Variants in PRUNE2 observed in about 807,000 individuals in gnomAD.
PRUNE2 encodes the protein prune homolog 2 with BCH domain, also known as protein prune homolog 2.
In PRUNE2, 164 loss-of-function variants were observed where a neutral mutation model predicts 252.0. That is an observed-to-expected ratio of 0.65 (90% CI 0.57 to 0.74). The LOEUF (loss-of-function observed/expected upper bound fraction) is 0.74. Ranked by LOEUF, PRUNE2 falls within the 30% of genes least tolerant of loss-of-function variation. The pLI, the probability that PRUNE2 is intolerant of heterozygous loss-of-function variation, is 0.00. For synonymous variants in PRUNE2, 1,292 were observed against 1,350.2 expected, an observed-to-expected ratio of 0.96 and a Z score of 0.94; for missense variants, 3,495 against 3,711.0, an observed-to-expected ratio of 0.94 and a Z score of 1.51.
In PRUNE2 at chr9:76,790,671, C is replaced by T. The variant is rs187621417; in HGVS notation, c.756+32961G>A. Among the ~76,000 whole-genome samples the T allele has an allele frequency of 4.0e-3, 613 of 152,328 alleles. 6 individuals carry two copies. Among genetic ancestry groups the T allele is most frequent in the African/African-American group, 0.014 (596 of 41,580 alleles). ...AAAAATAAGAAGGAGAAAGGTTGTG[C>T]TTTCTCATATTCACTGGATGTGGAT... is the stretch of plus-strand genomic sequence containing the variant. On this transcript the variant is annotated intron_variant, in intron 6 of 18. Coordinates refer to ENST00000376718, the MANE Select transcript of PRUNE2 (RefSeq NM_015225.3).
At chr9:76,857,849 G>A (rs1361426367) in intron 1 of PRUNE2, among the ~76,000 whole-genome samples, 1 of 152,110 alleles carries the variant, frequency 6.6e-6, no homozygotes, top group Non-Finnish European at 1.5e-5. Context: ...CACGGTTCTG[G>A]TGCACCCTGA....
intron 9 of PRUNE2, among the ~76,000 whole-genome samples, chr9:76,685,379 T>C (rs2134312914): frequency 6.6e-6 from 1 of 152,294 alleles, no homozygotes; most frequent in Non-Finnish European, 1.5e-5. Flanking sequence ...CCATCAGGAA[T>C]TCCTGGCACA....
intron 12 of PRUNE2, among the ~76,000 whole-genome samples, chr9:76,641,329 AAAAG>A (rs1842495406): frequency 6.6e-6 from 1 of 152,194 alleles, no homozygotes; most frequent in South Asian, 2.1e-4. Context: ...AGAGGGAAAT[AAAAG>A]AAAGATTTCC....
intron 6 of PRUNE2, chr9:76,733,816 C>T (rs997950352): frequency 2.6e-5 from 4 of 152,130 alleles, no homozygotes; most frequent in Non-Finnish European, 5.9e-5. Flanking sequence ...ATTCACAGAA[C>T]AGGAAAATAT....
At chr9:76,717,387 G>A (rs982520569) in intron 6 of PRUNE2, among the ~76,000 whole-genome samples, 3 of 152,110 alleles carry the variant, frequency 2.0e-5, no homozygotes, top group East Asian at 1.9e-4. Flanking sequence ...CATGTGCTGC[G>A]GTGGCTCTTA....
At chr9:76,826,868 G>A (rs556405520) in intron 4 of PRUNE2, 136 bp from the exon 5 acceptor site, 153 of 653,854 alleles carry the variant, frequency 2.3e-4, no homozygotes, top group African/African-American at 2.6e-4. Context: ...TCCTCCACAC[G>A]TAACATTCAA....
At position 76,713,572 on chromosome 9, in the gene PRUNE2, C is replaced by G. The variant is rs746621780; in HGVS notation, c.906G>C (p.Leu302=). The change falls in exon 7 of 19, where the codon CTG becomes CTC. Residue 302 remains leucine, a synonymous_variant. Transcript: ENST00000376718. ...QIAVYSENME[L]CSQICCELEE... is the part of the protein sequence containing the mutation. The stretch of plus-strand genomic sequence containing the variant: ...CAGAGGAGGGGCTCACCTGACTGCA[C>G]AGCTCCATGTTTTCTGAGTACACAG... 6 of 1,610,032 alleles carry G rather than the reference C, an allele frequency of 3.7e-6. No individual in the cohort carries two copies. Among genetic ancestry groups the G allele is most frequent in the South Asian group, 2.2e-5 (2 of 89,958 alleles).
chr9:76,864,567 A>C (rs7039145), intron 1 of PRUNE2, among the ~76,000 whole-genome samples: 14,334 of 152,218 alleles, frequency 0.094, 2,240 homozygotes, highest in African/African-American at 0.33. Flanking sequence ...AATAGCACCA[A>C]AAAGAATGAT....
At chr9:76,842,806 C>T (rs2059463002) in intron 4 of PRUNE2, among the ~76,000 whole-genome samples, 1 of 152,114 alleles carries the variant, frequency 6.6e-6, no homozygotes, top group Non-Finnish European at 1.5e-5. Context: ...GAATGGCAAT[C>T]ATTAAAAAGC....
chr9:76,811,836 A>G (rs1376073316), intron 6 of PRUNE2, among the ~76,000 whole-genome samples: 1 of 152,212 alleles, frequency 6.6e-6, no homozygotes. Flanking sequence ...TTTTGGTGAC[A>G]TATGGAAAGA....
intron 6 of PRUNE2, among the ~76,000 whole-genome samples, chr9:76,776,289 C>T (rs970087032): frequency 6.6e-6 from 1 of 152,090 alleles, no homozygotes; most frequent in African/African-American, 2.4e-5. Flanking sequence ...ACCACCCTCC[C>T]GCCTTCCCAC....
chr9:76,746,322 C>T (rs999444132), intron 6 of PRUNE2, among the ~76,000 whole-genome samples: 10 of 152,160 alleles, frequency 6.6e-5, no homozygotes, highest in African/African-American at 1.4e-4. Context: ...CCCCCAACCT[C>T]GGGAGAAGGC....
intron 6 of PRUNE2, among the ~76,000 whole-genome samples, chr9:76,814,238 G>A (rs1159182874): frequency 6.6e-6 from 1 of 152,052 alleles, no homozygotes; most frequent in African/African-American, 2.4e-5. Context: ...CTGGTCTTCG[G>A]GACTCACATG....
chr9:76,883,670 C>T (rs577990188), intron 1 of PRUNE2, among the ~76,000 whole-genome samples: 15 of 152,316 alleles, frequency 9.8e-5, no homozygotes, highest in Non-Finnish European at 1.9e-4. Flanking sequence ...ACTTGACTGA[C>T]GCCTGACTCC....
At chr9:76,656,053 T>C (rs956958479) in intron 9 of PRUNE2, among the ~76,000 whole-genome samples, 2 of 152,240 alleles carry the variant, frequency 1.3e-5, no homozygotes, top group Non-Finnish European at 2.9e-5. Context: ...GTTATTTTTC[T>C]TCCTTTTTTG....
chr9:76,822,367 G>A (rs180713570), intron 6 of PRUNE2, among the ~76,000 whole-genome samples: 64 of 152,258 alleles, frequency 4.2e-4, no homozygotes, highest in African/African-American at 1.4e-3. Context: ...ATTATAATGC[G>A]TATGAACTGG....
chr9:76,899,966 G>A (rs1409135418), intron 1 of PRUNE2, among the ~76,000 whole-genome samples: 1 of 152,192 alleles, frequency 6.6e-6, no homozygotes, highest in Non-Finnish European at 1.5e-5. Context: ...AGGTTTTAAG[G>A]GAGGGGTAGG....
intron 12 of PRUNE2, chr9:76,642,092 C>A: frequency 1.2e-6 from 1 of 817,998 alleles, no homozygotes; most frequent in Non-Finnish European, 1.9e-6. Flanking sequence ...ATGGGTTTCT[C>A]AGCTCCAAGT....
chr9:76,720,552 G>A (rs1012418492), intron 6 of PRUNE2, among the ~76,000 whole-genome samples: 1 of 152,142 alleles, frequency 6.6e-6, no homozygotes, highest in Non-Finnish European at 1.5e-5. Flanking sequence ...CTGGTCAAGT[G>A]CCTGACATAT....
Sources: allele counts gnomAD v4.1 joint callset (sites outside exome capture counted in the v4.1 genomes callset), GRCh38; gene constraint gnomAD v4.1.1; transcripts MANE v1.5; gene names NCBI Gene and HGNC (gene_info 2026-07-23, HGNC 2026-07-21).